The following CKAP2L variants were observed in gnomAD, a reference collection of about 807,000 sequenced individuals.
CKAP2L encodes the protein cytoskeleton associated protein 2L, also known as cytoskeleton-associated protein 2-like.
Under a neutral mutation model 65.7 loss-of-function variants are expected in CKAP2L, and 42 were observed. The observed-to-expected ratio is 0.64, with a 90% CI of 0.50 to 0.83. The LOEUF is 0.83. Ranked by LOEUF, CKAP2L falls within the 40% of genes least tolerant of loss-of-function variation. The probability of loss-of-function intolerance (pLI) is 0.00; values close to 1 mark genes in which losing one functional copy is unlikely to be tolerated. For synonymous variants in CKAP2L, 325 were observed against 313.5 expected (o/e 1.04, Z -0.39); for missense variants, 908 against 871.0 (o/e 1.04, Z -0.53).
At chr2:112,762,784 ACTT>A (rs1420867213) in intron 1 of CKAP2L, among the ~76,000 whole-genome samples, 78 of 143,674 alleles carry the variant, frequency 5.4e-4, no homozygotes, top group African/African-American at 2.0e-3. Flanking sequence ...TAAACTTACT[ACTT>A]TTTTTTTTTT....
At chr2:112,752,561 T>C (rs1558759841) in intron 4 of CKAP2L, 87 bp from the exon 5 acceptor site, 3 of 794,900 alleles carry the variant, frequency 3.8e-6, no homozygotes, top group Non-Finnish European at 6.0e-6. Flanking sequence ...AGATAGAGTA[T>C]AATTAAATAC....
intron 1 of CKAP2L, 38 bp from the exon 2 acceptor site, chr2:112,762,607 G>A: frequency 6.5e-7 from 1 of 1,542,870 alleles, no homozygotes; most frequent in Non-Finnish European, 9.0e-7. Flanking sequence ...CATAACTTTA[G>A]TTCAAGATTT....
intron 3 of CKAP2L, among the ~76,000 whole-genome samples, chr2:112,759,643 T>C (rs899114033): frequency 1.3e-5 from 2 of 152,192 alleles, no homozygotes; most frequent in Non-Finnish European, 2.9e-5. Flanking sequence ...CTGCATAAAG[T>C]AAAAGTGTAA....
At chr2:112,762,479 G>A (rs754163966) in intron 2 of CKAP2L, 24 bp downstream of exon 2, 54 of 1,600,894 alleles carry the variant, frequency 3.4e-5, no homozygotes, top group East Asian at 2.2e-4. Flanking sequence ...CAAAACTTGC[G>A]TAACTGTGGA....
chr2:112,742,944 G>A, intron 6 of CKAP2L, 175 bp from the exon 7 acceptor site: 1 of 567,856 alleles, frequency 1.8e-6, no homozygotes, highest in Non-Finnish European at 3.1e-6. Context: ...AAAAGTAAAG[G>A]AACAGAGAAA....
chr2:112,746,546 T>C lies in CKAP2L; in HGVS notation c.1632A>G (p.Ile544Met), dbSNP rs369912194. ...TTTCAGCTTCAGGAATGCTGGACAA[T>C]ATGTTAAGTATTTCATTAGAAGGTA... ...GGVPSNEILN[I>M]LSSIPEAEKF... The change falls in exon 6 of 9, where the codon ATA becomes ATG. Residue 544 changes from isoleucine (I) to methionine (M), a missense_variant. Transcript: ENST00000302450. 4.3e-6 allele frequency: 7 copies of C among 1,611,684 alleles called. No homozygotes were observed. Among genetic ancestry groups the C allele is most frequent in the Non-Finnish European group, 5.1e-6 (6 of 1,178,388 alleles).
Position 112,756,543 on chromosome 2 carries a change from C to T in CKAP2L, c.828G>A (p.Arg276=), listed in dbSNP as rs775471274. 1.2e-6 allele frequency: 2 copies of T among 1,610,490 alleles called. No individual in the cohort carries two copies. Among genetic ancestry groups the T allele is most frequent in the Non-Finnish European group, 1.7e-6 (2 of 1,178,716 alleles). ...DLARPGVKPS[R]TVPSHFIRTL... ...TCCGAATAAAGTGAGAGGGAACCGT[C>T]CTTGAGGGTTTTACTCCTGGTCTTG... is the stretch of plus-strand genomic sequence containing the variant. The change falls in exon 4 of 9, where the codon AGG becomes AGA. Residue 276 remains arginine, a synonymous_variant. Coordinates refer to ENST00000302450, the MANE Select transcript of CKAP2L (RefSeq NM_152515.5).
chr2:112,757,229 A>C lies in CKAP2L; in HGVS notation c.157-15T>G, dbSNP rs1328124604. On this transcript the variant is annotated splice_polypyrimidine_tract_variant and intron_variant, in intron 3 of 8. Transcript: ENST00000302450. ...GGTCTAATAGTCTGAAAAAACAAAG[A>C]AAATACATATTAAAAAATCCTTAAC... 2.0e-6 allele frequency: 3 copies of C among 1,530,558 alleles called. No homozygotes were observed. Among genetic ancestry groups the C allele is most frequent in the Non-Finnish European group, 2.7e-6 (3 of 1,131,438 alleles). The allele number at this position is 1,530,558 out of a possible 1,614,324, so 94.8% of individuals were successfully genotyped here.
chr2:112,753,970 T>C (rs1385795855), intron 4 of CKAP2L, among the ~76,000 whole-genome samples: 2 of 152,234 alleles, frequency 1.3e-5, no homozygotes, highest in African/African-American at 4.8e-5. Context: ...TTCTGTCTCC[T>C]CCACTAGAGT....
intron 6 of CKAP2L, among the ~76,000 whole-genome samples, chr2:112,743,230 C>A (rs918539060): frequency 3.3e-5 from 5 of 152,086 alleles, no homozygotes; most frequent in African/African-American, 1.2e-4. Flanking sequence ...GCAAGCTCTG[C>A]CTCCTGGGTT....
At chr2:112,741,782 T>TG (rs1679983865) in intron 7 of CKAP2L, among the ~76,000 whole-genome samples, 1 of 152,088 alleles carries the variant, frequency 6.6e-6, no homozygotes, top group Admixed American at 6.5e-5. Context: ...TTTTTTGAGA[T>TG]GGAGTTTCGC....
In CKAP2L at chr2:112,746,568, G is replaced by A; in HGVS notation, c.1610C>T (p.Pro537Leu). ...ECLNLIEGGVPSNEILNILSS... is the reference protein window; with the variant it reads ...ECLNLIEGGVLSNEILNILSS... ...CAATATGTTAAGTATTTCATTAGAA[G>A]GTACACCCTGAAATAAACCAAAATA... Residue 537 changes from proline (P) to leucine (L), a missense_variant, in exon 6 of 9, where the codon CCT (proline) becomes CTT (leucine). Coordinates refer to ENST00000302450, the MANE Select transcript of CKAP2L (RefSeq NM_152515.5). 6.2e-7 allele frequency: 1 copy of A among 1,607,404 alleles called. No individual in the cohort carries two copies. The highest frequency in any genetic ancestry group is 8.5e-7 in the Non-Finnish European group (1 of 1,175,456).
In CKAP2L at chr2:112,738,940, G is replaced by A. The variant is rs1679619897; in HGVS notation, c.2121C>T (p.His707=). 9 of 1,614,072 alleles carry A rather than the reference G, an allele frequency of 5.6e-6. No individual in the cohort carries two copies. The highest frequency in any genetic ancestry group is 2.2e-5 in the East Asian group (1 of 44,880). Residue 707 remains histidine, a synonymous_variant, in exon 9 of 9, where the codon CAC becomes CAT. Transcript: ENST00000302450. The part of the protein sequence containing the change: ...VSRYPEMLQE[H]DLVVASLDEL... ...CATCAAGAGAAGCCACTACTAAATC[G>A]TGTTCCTGCAGCATTTCTGGGTAGC...
intron 6 of CKAP2L, among the ~76,000 whole-genome samples, chr2:112,745,565 T>C (rs572113892): frequency 2.0e-5 from 3 of 152,118 alleles, no homozygotes; most frequent in Non-Finnish European, 4.4e-5. Context: ...TATTTTTTAG[T>C]AGAGATGGGG....
chr2:112,764,400 C>G (rs1680833215), intron 1 of CKAP2L, among the ~76,000 whole-genome samples, 162 bp downstream of exon 1: 1 of 152,212 alleles, frequency 6.6e-6, no homozygotes, highest in Non-Finnish European at 1.5e-5. Flanking sequence ...CAGACGTCTA[C>G]CTGGGGGTCC....
At chr2:112,761,767 C>T (rs769221935) in intron 2 of CKAP2L, among the ~76,000 whole-genome samples, 4 of 152,226 alleles carry the variant, frequency 2.6e-5, no homozygotes, top group South Asian at 2.1e-4. Context: ...TCTTGTTAAG[C>T]GCCATTATCT....
rs562727718 is a variant in CKAP2L at position 112,743,990 on chromosome 2, T to C, written c.1759-1221A>G. 3.3e-5 allele frequency among the ~76,000 whole-genome samples: 5 copies of C among 152,250 alleles called. No individual in the cohort carries two copies. In the East Asian group the frequency reaches 9.6e-4, roughly 29 times the overall value. On this transcript the variant is annotated intron_variant, in intron 6 of 8. Coordinates refer to ENST00000302450, the MANE Select transcript of CKAP2L (RefSeq NM_152515.5). ...AACTCTGTATCAAATAGATATAAAC[T>C]GACAATAAAGCATAAAAGCAAAGCT...
intron 5 of CKAP2L, among the ~76,000 whole-genome samples, chr2:112,751,206 A>G (rs1041975375): frequency 1.3e-5 from 2 of 152,362 alleles, no homozygotes; most frequent in East Asian, 3.9e-4. Flanking sequence ...TATAGGGCAA[A>G]AAGGAAAATA....
At chr2:112,761,866 G>A (rs975445083) in intron 2 of CKAP2L, among the ~76,000 whole-genome samples, 8 of 152,154 alleles carry the variant, frequency 5.3e-5, no homozygotes, top group African/African-American at 1.4e-4. Context: ...AGGAAATAGA[G>A]GTGAGTAAAC....
Sources: allele counts gnomAD v4.1 joint callset (sites outside exome capture counted in the v4.1 genomes callset), GRCh38; gene constraint gnomAD v4.1.1; transcripts MANE v1.5; gene names NCBI Gene and HGNC (gene_info 2026-07-23, HGNC 2026-07-21).